Variants in RABEP1 observed in about 807,000 individuals in gnomAD.
The protein encoded by RABEP1 is rabaptin, RAB GTPase binding effector protein 1.
In RABEP1, 51 loss-of-function variants were observed where a neutral mutation model predicts 123.4. The observed-to-expected ratio is 0.41, with a 90% CI of 0.33 to 0.52. The LOEUF is 0.52. RABEP1 is among the 20% of genes least tolerant of loss of function. RABEP1 has a pLI of 0.16. For missense variants in RABEP1, 888 were observed against 996.3 expected (o/e 0.89, Z 1.46); for synonymous variants, 347 against 355.2 (o/e 0.98, Z 0.26).
chr17:5,343,107 A>G (rs1907758674), intron 5 of RABEP1, among the ~76,000 whole-genome samples: 1 of 152,098 alleles, frequency 6.6e-6, no homozygotes, highest in Non-Finnish European at 1.5e-5. Context: ...TAAAAATGCA[A>G]AAATTAGCTG....
chr17:5,295,103 C>G (rs1217969886), intron 1 of RABEP1, among the ~76,000 whole-genome samples: 1 of 151,844 alleles, frequency 6.6e-6, no homozygotes, highest in Non-Finnish European at 1.5e-5. Context: ...TTTTTGAGGA[C>G]AGATGCGGTG....
At position 5,353,617 on chromosome 17, in the gene RABEP1, G is replaced by A. The variant is rs148557666; in HGVS notation, c.964-742G>A. Among the ~76,000 whole-genome samples, 365 of 152,290 alleles carry A rather than the reference G, an allele frequency of 2.4e-3. 3 individuals carry two copies. In the East Asian group the frequency reaches 0.03, roughly 13 times the overall value. On this transcript the variant is annotated intron_variant, in intron 7 of 17. Coordinates refer to ENST00000537505, the MANE Select transcript of RABEP1 (RefSeq NM_004703.6). ...AGTCCCAACGCTTTGGGAGGCCAAG[G>A]TGGGAGGATCGCTTGAGCCTGGGAG... is the stretch of plus-strand genomic sequence containing the variant.
At chr17:5,299,692 A>G (rs893643086) in intron 1 of RABEP1, among the ~76,000 whole-genome samples, 2 of 133,444 alleles carry the variant, frequency 1.5e-5, no homozygotes, top group African/African-American at 5.6e-5. Context: ...TGCTCTCTGC[A>G]CTCATTTCTT....
At chr17:5,311,048 G>T (rs1042583517) in intron 2 of RABEP1, among the ~76,000 whole-genome samples, 2 of 152,054 alleles carry the variant, frequency 1.3e-5, no homozygotes, top group Admixed American at 1.3e-4. Context: ...GACCTCAGAT[G>T]ATCCGCCTGC....
At chr17:5,320,642 A>G (rs1247309368) in intron 2 of RABEP1, among the ~76,000 whole-genome samples, 3 of 152,284 alleles carry the variant, frequency 2.0e-5, no homozygotes. Flanking sequence ...AAGTGGAGCT[A>G]AGTTGTAGAA....
chr17:5,366,590 C>T (rs1346134894), intron 11 of RABEP1, among the ~76,000 whole-genome samples: 2 of 151,924 alleles, frequency 1.3e-5, no homozygotes, highest in Non-Finnish European at 2.9e-5. Context: ...GGATTACAGG[C>T]ACTTACCACC....
Position 5,292,492 on chromosome 17 carries a change from G to C in RABEP1, c.34+9972G>C, listed in dbSNP as rs558028848. On this transcript the variant is annotated intron_variant, in intron 1 of 17. Coordinates refer to ENST00000537505, the MANE Select transcript of RABEP1 (RefSeq NM_004703.6). ...TACCTCCACCTCCTGGGTTCAAGCA[G>C]TTCTGCCTCGGCCTCCCGAGTAGCT... is the stretch of plus-strand genomic sequence containing the variant. Among the ~76,000 whole-genome samples the C allele has an allele frequency of 2.6e-5, 4 of 151,992 alleles. No individual in the cohort carries two copies. The East Asian group carries it at 7.8e-4, about 29-fold the overall frequency.
chr17:5,331,509 C>T (rs139803888), intron 2 of RABEP1, among the ~76,000 whole-genome samples: 5 of 152,290 alleles, frequency 3.3e-5, no homozygotes, highest in Non-Finnish European at 7.4e-5. Context: ...CTTTAAAGAA[C>T]ATACGTCTAG....
chr17:5,327,720 TTTTG>T (rs1906119995), intron 2 of RABEP1, among the ~76,000 whole-genome samples: 2 of 152,296 alleles, frequency 1.3e-5, no homozygotes, highest in South Asian at 2.1e-4. Context: ...ATCATTACCT[TTTTG>T]TTAAACTTTT....
At position 5,354,522 on chromosome 17, in the gene RABEP1, T is replaced by A. The variant is rs1223749552; in HGVS notation, c.1095+32T>A. The A allele has an allele frequency of 1.9e-6, 3 of 1,571,406 alleles. No individual in the cohort carries two copies. The African/African-American group carries it at 4.1e-5, about 22-fold the overall frequency. ...TGAGTCTATAATTAAAGTCATTAAATACACAATGTCAACAATTTTAGCTTA... is the reference window on the plus strand; with the variant it reads ...TGAGTCTATAATTAAAGTCATTAAAAACACAATGTCAACAATTTTAGCTTA... On this transcript the variant is annotated intron_variant, in intron 8 of 17. Coordinates refer to ENST00000537505, the MANE Select transcript of RABEP1 (RefSeq NM_004703.6).
intron 2 of RABEP1, among the ~76,000 whole-genome samples, chr17:5,326,191 A>G (rs769045736): frequency 1.1e-4 from 17 of 152,212 alleles, no homozygotes; most frequent in Non-Finnish European, 1.9e-4. Flanking sequence ...ACTTGCACAA[A>G]TATATTTATA....
At chr17:5,338,165 T>C (rs1184775826) in intron 5 of RABEP1, 27 bp downstream of exon 5, 1 of 1,594,292 alleles carries the variant, frequency 6.3e-7, no homozygotes, top group Admixed American at 1.8e-5. Context: ...ATCCATTTGC[T>C]TGAAACCCAA....
At chr17:5,337,133 T>C (rs1376865971) in intron 4 of RABEP1, among the ~76,000 whole-genome samples, 7 of 152,234 alleles carry the variant, frequency 4.6e-5, no homozygotes, top group African/African-American at 1.2e-4. Context: ...TTTTAATCCA[T>C]GTTTTTGAGA....
chr17:5,379,359 C>T (rs762628118), intron 15 of RABEP1, among the ~76,000 whole-genome samples: 1 of 152,188 alleles, frequency 6.6e-6, no homozygotes, highest in South Asian at 2.1e-4. Flanking sequence ...CGCGCAGTGC[C>T]GGGCCTTGAA....
chr17:5,366,932 A>G (rs60499129), intron 11 of RABEP1, among the ~76,000 whole-genome samples: 1 of 151,410 alleles, frequency 6.6e-6, no homozygotes, highest in Non-Finnish European at 1.5e-5. Context: ...TCTACTAAAA[A>G]TACAAAATTA....
intron 17 of RABEP1, chr17:5,381,842 C>T (rs1911491323): frequency 1.1e-5 from 2 of 183,400 alleles, no homozygotes; most frequent in African/African-American, 2.4e-5. Flanking sequence ...GCTTGTGGTT[C>T]CTCGCCCACA....
In RABEP1 at chr17:5,386,135, T is replaced by C. The variant is rs926953975; in HGVS notation, c.*2912T>C. 15 of 1,127,930 alleles carry C rather than the reference T, an allele frequency of 1.3e-5. No homozygotes were observed. The highest frequency in any genetic ancestry group is 9.2e-5 in the Admixed American group (4 of 43,516). The allele number at this position is 1,127,930 out of a possible 1,614,324, so 69.9% of individuals were successfully genotyped here. A position where few individuals can be genotyped will look rare whatever the true frequency, so the allele number is the denominator to read the frequency against. On this transcript the variant is annotated 3_prime_UTR_variant, in exon 18 of 18. Coordinates refer to ENST00000537505, the MANE Select transcript of RABEP1 (RefSeq NM_004703.6). ...CACCTTTTTATAAATTAGATAATTC[T>C]ACCTGTTTTACAATATGGGTTTAAG...
chr17:5,382,219 T>C (rs1261064961), intron 17 of RABEP1, among the ~76,000 whole-genome samples: 2 of 151,580 alleles, frequency 1.3e-5, no homozygotes, highest in African/African-American at 2.4e-5. Context: ...GTAGCTGGGA[T>C]TACAAGTACA....
chr17:5,316,463 A>C (rs2075296650), intron 2 of RABEP1, among the ~76,000 whole-genome samples: 1 of 149,656 alleles, frequency 6.7e-6, no homozygotes, highest in Non-Finnish European at 1.5e-5. Flanking sequence ...AAAAAAAAAA[A>C]AAAAAAAAAA....
Sources: allele counts gnomAD v4.1 joint callset (sites outside exome capture counted in the v4.1 genomes callset), GRCh38; gene constraint gnomAD v4.1.1; transcripts MANE v1.5; gene names NCBI Gene and HGNC (gene_info 2026-07-23, HGNC 2026-07-21).